The following MKLN1 variants were observed in gnomAD, a reference collection of about 807,000 sequenced individuals.
MKLN1 encodes muskelin 1, also known as muskelin.
A neutral mutation model predicts 99.0 loss-of-function variants in MKLN1; 18 were observed. The ratio of observed to expected loss-of-function variants is 0.18; its 90% CI spans 0.13 to 0.27. MKLN1 has a LOEUF of 0.27. Ranked by LOEUF, MKLN1 falls within the 10% of genes least tolerant of loss-of-function variation. The pLI is 1.00. For synonymous variants in MKLN1, 288 were observed against 293.2 expected (o/e 0.98, Z 0.18); for missense variants, 621 against 875.9 (o/e 0.71, Z 3.67).
chr7:131,207,567 T>A (rs1474481236), intron 3 of MKLN1, among the ~76,000 whole-genome samples: 2 of 152,204 alleles, frequency 1.3e-5, no homozygotes, highest in Admixed American at 6.5e-5. Context: ...TGGATCAGCA[T>A]CACTAGCATG....
Position 131,127,504 on chromosome 7 carries a change from G to A in MKLN1, c.-418-15316G>A, listed in dbSNP as rs77157194. 2.7e-3 allele frequency among the ~76,000 whole-genome samples: 413 copies of A among 152,296 alleles called. 2 individuals are homozygous for A. The highest frequency in any genetic ancestry group is 9.6e-3 in the African/African-American group (398 of 41,566). ...CCCATTGCCGGCCCACAGAAGCCACGTCACTGAACATGTGTGTCACAGAAG... is the reference window on the plus strand; with the variant it reads ...CCCATTGCCGGCCCACAGAAGCCACATCACTGAACATGTGTGTCACAGAAG... On this transcript the variant is annotated intron_variant, in intron 1 of 7. Coordinates refer to the MKLN1 transcript ENST00000416992.
At chr7:131,161,963 GTATATATATA>G (rs71168374) in intron 2 of MKLN1, among the ~76,000 whole-genome samples, 4,356 of 109,192 alleles carry the variant, frequency 0.04, 133 homozygotes, top group African/African-American at 0.076. Context: ...GTGTGTGTGT[GTATATATATA>G]TATATATATA....
chr7:131,350,823 G>A (rs751040691), intron 1 of MKLN1, among the ~76,000 whole-genome samples: 4 of 152,094 alleles, frequency 2.6e-5, no homozygotes, highest in Non-Finnish European at 4.4e-5. Flanking sequence ...ACAATGAGAT[G>A]GAATTACTCA....
rs1797430297 is a variant in MKLN1 at position 131,491,799 on chromosome 7, A to T, written c.*4071A>T. The T allele has an allele frequency of 6.6e-6, 1 of 152,610 alleles. No individual in the cohort carries two copies. The allele number at this position is 152,610 out of a possible 1,614,324, so 9.5% of individuals were successfully genotyped here. ...ACTTTGGTTTCCTTCTATCCACCAA[A>T]TACTGTGAATTGTTTTTCCATTTAT... On this transcript the variant is annotated 3_prime_UTR_variant, in exon 18 of 18. Transcript: ENST00000352689.
chr7:131,365,738 A>G (rs1251994782), intron 1 of MKLN1, among the ~76,000 whole-genome samples: 1 of 152,164 alleles, frequency 6.6e-6, no homozygotes, highest in Admixed American at 6.5e-5. Context: ...AGCTTTGTTG[A>G]AGATCAGATG....
intron 1 of MKLN1, among the ~76,000 whole-genome samples, chr7:131,342,230 A>G (rs548771950): frequency 1.3e-5 from 2 of 152,280 alleles, no homozygotes; most frequent in East Asian, 1.9e-4. Context: ...CTGTAAGGAA[A>G]GTGATCATTT....
In MKLN1 at chr7:131,380,813, A is replaced by C. The variant is rs149279758; in HGVS notation, c.168+5320A>C. On this transcript the variant is annotated intron_variant, in intron 2 of 17. Coordinates refer to ENST00000352689, the MANE Select transcript of MKLN1 (RefSeq NM_013255.5). Reference sequence around the variant, plus strand: ...TAATTGCAAGGATTAGGATACATGTAGTAGCTACTTTGCTGCCCTTAAACT... The same window carrying C: ...TAATTGCAAGGATTAGGATACATGTCGTAGCTACTTTGCTGCCCTTAAACT... 2.8e-3 allele frequency among the ~76,000 whole-genome samples: 433 copies of C among 152,324 alleles called. 3 individuals are homozygous for C. Among genetic ancestry groups the C allele is most frequent in the Middle Eastern group, 0.024 (7 of 294 alleles).
intron 3 of MKLN1, among the ~76,000 whole-genome samples, chr7:131,239,874 T>C (rs182396296): frequency 5.3e-5 from 8 of 151,942 alleles, no homozygotes; most frequent in Admixed American, 1.3e-4. Flanking sequence ...TAATAATATA[T>C]TGTTAACTTT....
intron 3 of MKLN1, among the ~76,000 whole-genome samples, chr7:131,265,652 CCCAGCTTCCGTT>C (rs1398202125): frequency 6.6e-6 from 1 of 152,176 alleles, no homozygotes; most frequent in African/African-American, 2.4e-5. Context: ...TTCCCTCCTA[CCCAGCTTCCGTT>C]CCAGGTTCTC....
At chr7:131,189,398 C>T (rs999513323) in intron 2 of MKLN1, among the ~76,000 whole-genome samples, 7 of 152,038 alleles carry the variant, frequency 4.6e-5, no homozygotes, top group African/African-American at 1.2e-4. Context: ...ATAGCAACAG[C>T]GATGTCAGAA....
intron 3 of MKLN1, among the ~76,000 whole-genome samples, chr7:131,308,663 G>A (rs922703241): frequency 6.6e-6 from 1 of 151,414 alleles, no homozygotes; most frequent in Non-Finnish European, 1.5e-5. Context: ...TCAGCTCACC[G>A]CAACGTCCAT....
At chr7:131,377,855 A>G (rs1793711039) in intron 2 of MKLN1, among the ~76,000 whole-genome samples, 1 of 152,192 alleles carries the variant, frequency 6.6e-6, no homozygotes, top group Non-Finnish European at 1.5e-5. Flanking sequence ...TTTCAATATG[A>G]TAAGTCCTAT....
chr7:131,364,059 T>G (rs1387039693), intron 1 of MKLN1, among the ~76,000 whole-genome samples: 1 of 152,128 alleles, frequency 6.6e-6, no homozygotes, highest in Non-Finnish European at 1.5e-5. Flanking sequence ...CTTGTGAGTC[T>G]AAACCTCTGC....
intron 2 of MKLN1, among the ~76,000 whole-genome samples, chr7:131,177,892 T>A (rs1009863977): frequency 6.6e-6 from 1 of 152,208 alleles, no homozygotes; most frequent in Non-Finnish European, 1.5e-5. Flanking sequence ...CCAGGACTGG[T>A]ATAGTAGCTC....
intron 7 of MKLN1, 37 bp downstream of exon 7, chr7:131,411,420 T>A: frequency 7.4e-7 from 1 of 1,343,562 alleles, no homozygotes; most frequent in Non-Finnish European, 1.1e-6. Context: ...TCTTTTTCAT[T>A]AATGTCTCAG....
chr7:131,120,291 C>T (rs1010119257), intron 1 of MKLN1, among the ~76,000 whole-genome samples: 5 of 151,546 alleles, frequency 3.3e-5, no homozygotes, highest in South Asian at 4.2e-4. Context: ...TTTGGGAGGC[C>T]GAGGCGGGTG....
At chr7:131,470,705 T>G in intron 15 of MKLN1, 137 bp from the exon 16 acceptor site, 1 of 640,372 alleles carries the variant, frequency 1.6e-6, no homozygotes, top group Non-Finnish European at 2.7e-6. Flanking sequence ...TAATTCTGGA[T>G]TCCTAAACTG....
intron 1 of MKLN1, among the ~76,000 whole-genome samples, chr7:131,373,686 T>C (rs1022426550): frequency 1.3e-5 from 2 of 152,210 alleles, no homozygotes; most frequent in African/African-American, 4.8e-5. Context: ...GATGGCATAG[T>C]TACTATATAT....
At chr7:131,223,438 T>C (rs1038519080) in intron 3 of MKLN1, among the ~76,000 whole-genome samples, 2 of 152,170 alleles carry the variant, frequency 1.3e-5, no homozygotes, top group Non-Finnish European at 2.9e-5. Context: ...CTAGTAAAAC[T>C]GGGTTAGCAG....
Sources: gnomAD v4.1 joint callset for allele counts (sites outside exome capture counted in the v4.1 genomes callset) on GRCh38, gnomAD v4.1.1 for gene constraint, MANE v1.5 for transcripts, NCBI Gene and HGNC (gene_info 2026-07-23, HGNC 2026-07-21) for gene names.